Variants in CFAP69 observed in about 807,000 individuals in gnomAD.
The protein encoded by CFAP69 is cilia- and flagella-associated protein 69.
A neutral mutation model predicts 123.0 loss-of-function variants in CFAP69; 92 were observed. That is an observed-to-expected ratio of 0.75 (90% CI 0.63 to 0.89). CFAP69 has a LOEUF of 0.89. Among genes scored for constraint, CFAP69 ranks in the 40% least tolerant of loss-of-function variants. The probability of loss-of-function intolerance (pLI) is 0.00; values close to 1 mark genes in which losing one functional copy is unlikely to be tolerated. For synonymous variants in CFAP69, 380 were observed against 364.3 expected, an observed-to-expected ratio of 1.04 and a Z score of -0.49; for missense variants, 1,067 against 1,096.9, an observed-to-expected ratio of 0.97 and a Z score of 0.39.
At chr7:90,291,506 C>T (rs1408925471) in intron 15 of CFAP69, among the ~76,000 whole-genome samples, 1 of 152,158 alleles carries the variant, frequency 6.6e-6, no homozygotes, top group Non-Finnish European at 1.5e-5. Context: ...ATGCCGTGAC[C>T]ATCTGGGAAT....
At chr7:90,311,872 A>G (rs917881988), downstream of CFAP69, among the ~76,000 whole-genome samples, 2 of 152,060 alleles carry the variant, frequency 1.3e-5, no homozygotes, top group African/African-American at 4.8e-5. Context: ...TCTCTAGTCT[A>G]CCACCTTCAA....
Position 90,299,847 on chromosome 7 carries a change from T to C in CFAP69, c.1858-20T>C, listed in dbSNP as rs1336145423. On this transcript the variant is annotated intron_variant, in intron 16 of 22. Coordinates refer to ENST00000389297, the MANE Select transcript of CFAP69 (RefSeq NM_001039706.3). ...TAATATTTATTGCAACTTTTTTCCTTTTCTGTTTCCTTGCTAAAGTTGAAC... is the reference window on the plus strand; with the variant it reads ...TAATATTTATTGCAACTTTTTTCCTCTTCTGTTTCCTTGCTAAAGTTGAAC... 7 of 1,566,794 alleles carry C rather than the reference T, an allele frequency of 4.5e-6. No individual in the cohort carries two copies. The highest frequency in any genetic ancestry group is 6.1e-6 in the Non-Finnish European group (7 of 1,155,518).
At chr7:90,296,269 T>A (rs553539888) in intron 15 of CFAP69, among the ~76,000 whole-genome samples, 4 of 152,184 alleles carry the variant, frequency 2.6e-5, no homozygotes, top group South Asian at 4.2e-4. Flanking sequence ...TTTTACAGAG[T>A]TTCATTCTGA....
intron 2 of CFAP69, among the ~76,000 whole-genome samples, chr7:90,257,207 A>G (rs1562843153): frequency 6.6e-6 from 1 of 152,160 alleles, no homozygotes; most frequent in African/African-American, 2.4e-5. Context: ...TATTCAATGT[A>G]CTTTAGCTGT....
intron 21 of CFAP69, among the ~76,000 whole-genome samples, chr7:90,308,960 G>T (rs1366578286): frequency 1.3e-5 from 2 of 152,006 alleles, no homozygotes; most frequent in Non-Finnish European, 2.9e-5. Context: ...TAAATTATGT[G>T]CTAAAAATTG....
In CFAP69 at chr7:90,259,474, T is replaced by G. The variant is rs768681794; in HGVS notation, c.246+1311T>G. ...TTTGTTTTGTTTTGTTTTGGGGTGT[T>G]TGTTTGTTTGTTTGTTTGTTTGTTT... On this transcript the variant is annotated intron_variant, in intron 3 of 22. Coordinates refer to ENST00000389297, the MANE Select transcript of CFAP69 (RefSeq NM_001039706.3). Among the ~76,000 whole-genome samples, 262 of 48,054 alleles carry G rather than the reference T, an allele frequency of 5.5e-3. 1 individual carries two copies. The highest frequency in any genetic ancestry group is 0.014 in the Non-Finnish European group (227 of 16,158). 31.5% of individuals were successfully genotyped at this position (48,054 alleles called of 152,430 possible).
At chr7:90,278,216 C>G (rs769290639) in intron 11 of CFAP69, among the ~76,000 whole-genome samples, 1 of 152,064 alleles carries the variant, frequency 6.6e-6, no homozygotes, top group Non-Finnish European at 1.5e-5. Flanking sequence ...TCAGTGCTAC[C>G]GCTTTCTAGC....
downstream of CFAP69, among the ~76,000 whole-genome samples, chr7:90,314,203 A>G (rs552553386): frequency 6.6e-6 from 1 of 152,310 alleles, no homozygotes; most frequent in East Asian, 1.9e-4. Flanking sequence ...ATCCTGGAAC[A>G]ACAATAACAA....
chr7:90,312,655 A>T (rs1420121794), downstream of CFAP69: 1 of 152,036 alleles, frequency 6.6e-6, no homozygotes, highest in Non-Finnish European at 1.5e-5. Flanking sequence ...TGAGTGAGTG[A>T]CTCTTTCTCA....
At chr7:90,287,857 A>T (rs780967665) in intron 14 of CFAP69, 53 of 584,206 alleles carry the variant, frequency 9.1e-5, no homozygotes, top group Non-Finnish European at 1.0e-4. Flanking sequence ...AAAATCTTGC[A>T]TGATAGTTCT....
At chr7:90,271,107 A>C (rs1799887666) in intron 6 of CFAP69, among the ~76,000 whole-genome samples, 1 of 152,156 alleles carries the variant, frequency 6.6e-6, no homozygotes, top group African/African-American at 2.4e-5. Context: ...ATCTACTGAC[A>C]AGAAATATTG....
At position 90,288,301 on chromosome 7, in the gene CFAP69, A is replaced by G; in HGVS notation, c.1724A>G (p.Gln575Arg). ...HVMKTDPRKL[Q>R]SGLGYNVLLF... ...ATGAAAACAGACCCCAGGAAGTTAC[A>G]GAGTGGCTTAGGCTATAATGTACTT... Residue 575 changes from glutamine (Q) to arginine (R), a missense_variant, in exon 15 of 23, where the codon CAG (glutamine) becomes CGG (arginine). Coordinates refer to ENST00000389297, the MANE Select transcript of CFAP69 (RefSeq NM_001039706.3). The G allele has an allele frequency of 6.2e-7, 1 of 1,612,552 alleles. No individual in the cohort carries two copies. The highest frequency in any genetic ancestry group is 8.5e-7 in the Non-Finnish European group (1 of 1,178,912).
At chr7:90,249,791 G>A (rs147938906) in intron 1 of CFAP69, among the ~76,000 whole-genome samples, 77 of 152,190 alleles carry the variant, frequency 5.1e-4, no homozygotes, top group African/African-American at 1.7e-3. Context: ...CCAGCACTCC[G>A]CTTTTCTAAC....
intron 11 of CFAP69, among the ~76,000 whole-genome samples, 162 bp downstream of exon 11, chr7:90,277,496 C>T (rs1255720390): frequency 3.3e-5 from 5 of 152,040 alleles, no homozygotes; most frequent in Non-Finnish European, 5.9e-5. Context: ...TTTTTCTTTG[C>T]TTATCTGTTA....
chr7:90,318,587 A>C, the CFAP69 span: 1 of 152,112 alleles, frequency 6.6e-6, no homozygotes, highest in African/African-American at 2.4e-5. Flanking sequence ...AAAATTGGTT[A>C]CAATTTTATT....
chr7:90,305,396 A>AAAAG (rs1245084799), intron 19 of CFAP69, among the ~76,000 whole-genome samples: 1 of 151,200 alleles, frequency 6.6e-6, no homozygotes, highest in Non-Finnish European at 1.5e-5. Flanking sequence ...AAAAAAAAAA[A>AAAAG]AATTATTTTT....
At chr7:90,312,848 T>G (rs904570154), downstream of CFAP69, 1 of 152,150 alleles carries the variant, frequency 6.6e-6, no homozygotes, top group Non-Finnish European at 1.5e-5. Context: ...ACTAACCAAC[T>G]GAATGAAAAG....
intron 1 of CFAP69, among the ~76,000 whole-genome samples, chr7:90,246,161 G>T (rs1796293640): frequency 1.3e-5 from 2 of 152,148 alleles, no homozygotes; most frequent in South Asian, 4.1e-4. Flanking sequence ...TTGGTTTTGG[G>T]TTTGCTTTTG....
chr7:90,280,003 A>G, intron 12 of CFAP69, 110 bp downstream of exon 12: 1 of 780,152 alleles, frequency 1.3e-6, no homozygotes, highest in South Asian at 2.8e-5. Flanking sequence ...ATGAGAAGTA[A>G]AAACACACAG....
Sources: gnomAD v4.1 joint callset for allele counts (sites outside exome capture counted in the v4.1 genomes callset) on GRCh38, gnomAD v4.1.1 for gene constraint, MANE v1.5 for transcripts, NCBI Gene and HGNC (gene_info 2026-07-23, HGNC 2026-07-21) for gene names.